The following TTC28 variants were observed in gnomAD, a reference collection of about 807,000 sequenced individuals.
TTC28 encodes tetratricopeptide repeat domain 28.
TTC28 carries 61 observed loss-of-function variants against 198.0 expected under a neutral mutation model. That is an observed-to-expected ratio of 0.31 (90% CI 0.25 to 0.38). The LOEUF (loss-of-function observed/expected upper bound fraction) is 0.38. Among genes scored for constraint, TTC28 ranks in the 10% least tolerant of loss-of-function variants. TTC28 has a pLI of 1.00. For synonymous variants in TTC28, 1,171 were observed against 1,297.8 expected (o/e 0.90, Z 2.10); for missense variants, 2,678 against 3,164.0 (o/e 0.85, Z 3.69).
In TTC28 at chr22:28,205,189, G is replaced by T. The variant is rs117422185; in HGVS notation, c.934-41590C>A. ...ATGAATACAGTGAAGATAAAGAGAT[G>T]CTCTTTTGTTTTAACGCAACACACA... On this transcript the variant is annotated intron_variant, in intron 5 of 22. Transcript: ENST00000397906. Among the ~76,000 whole-genome samples, 106 of 152,154 alleles carry T rather than the reference G, an allele frequency of 7.0e-4. 3 individuals carry two copies. In the East Asian group the frequency reaches 0.015, roughly 21 times the overall value.
At chr22:28,118,568 G>C (rs1831747968) in intron 6 of TTC28, among the ~76,000 whole-genome samples, 1 of 151,986 alleles carries the variant, frequency 6.6e-6, no homozygotes, top group South Asian at 2.1e-4. Flanking sequence ...TTTCAGTACA[G>C]TACCCTCCTA....
At chr22:28,156,830 A>G (rs1019449476) in intron 6 of TTC28, among the ~76,000 whole-genome samples, 8 of 152,186 alleles carry the variant, frequency 5.3e-5, no homozygotes, top group African/African-American at 7.2e-5. Context: ...ATTTATAGCT[A>G]TAAGTGCCTA....
intron 5 of TTC28, among the ~76,000 whole-genome samples, chr22:28,243,313 T>C (rs973545830): frequency 6.7e-6 from 1 of 149,848 alleles, no homozygotes; most frequent in Non-Finnish European, 1.5e-5. Context: ...GCCATGATCA[T>C]GCCACTGCAC....
chr22:28,221,502 GT>G (rs1466809734), intron 5 of TTC28, among the ~76,000 whole-genome samples: 1 of 152,160 alleles, frequency 6.6e-6, no homozygotes, highest in Non-Finnish European at 1.5e-5. Context: ...GGCTTTGATA[GT>G]TTCTCATTGC....
At chr22:28,394,301 C>T (rs134540) in intron 2 of TTC28, among the ~76,000 whole-genome samples, 214 of 152,294 alleles carry the variant, frequency 1.4e-3, no homozygotes, top group African/African-American at 4.9e-3. Context: ...TATTAAATAT[C>T]TGTTTATCCA....
intron 6 of TTC28, among the ~76,000 whole-genome samples, chr22:28,139,930 G>A (rs769139381): frequency 1.8e-4 from 27 of 152,160 alleles, no homozygotes; most frequent in Non-Finnish European, 3.2e-4. Context: ...ACCAACTATA[G>A]TCACCCACAT....
intron 2 of TTC28, among the ~76,000 whole-genome samples, chr22:28,357,468 A>G (rs2046096253): frequency 6.6e-6 from 1 of 151,916 alleles, no homozygotes; most frequent in Admixed American, 6.6e-5. Context: ...GGCATGCTCC[A>G]TCAGGCCAAT....
At chr22:28,500,850 G>A (rs2048527877) in intron 2 of TTC28, among the ~76,000 whole-genome samples, 1 of 152,150 alleles carries the variant, frequency 6.6e-6, no homozygotes, top group Non-Finnish European at 1.5e-5. Context: ...GCAAGAGGAA[G>A]ATAAACTAGA....
rs1243280236 is a variant in TTC28 at position 27,996,305 on chromosome 22, C to T, written c.5120-46G>A. ...CACCTCAGCAGGGCAGCTGGAGACC[C>T]CCAGCCCCACCCCGGCTTCCAGGGC... On this transcript the variant is annotated intron_variant, in intron 16 of 22. Transcript: ENST00000397906. 3.3e-6 allele frequency: 5 copies of T among 1,535,574 alleles called. No individual in the cohort carries two copies. The Admixed American group carries it at 6.0e-5, about 18-fold the overall frequency.
At chr22:28,188,187 A>C (rs1289873875) in intron 5 of TTC28, among the ~76,000 whole-genome samples, 1 of 152,240 alleles carries the variant, frequency 6.6e-6, no homozygotes, top group Non-Finnish European at 1.5e-5. Context: ...TAGAAACCTC[A>C]GTAAAATAAT....
At chr22:28,116,950 G>A (rs1942649009) in intron 6 of TTC28, among the ~76,000 whole-genome samples, 1 of 152,148 alleles carries the variant, frequency 6.6e-6, no homozygotes, top group African/African-American at 2.4e-5. Context: ...TATTCACTTG[G>A]CTTGGATTAC....
intron 2 of TTC28, among the ~76,000 whole-genome samples, chr22:28,547,901 T>C (rs1171852061): frequency 6.6e-6 from 1 of 151,646 alleles, no homozygotes; most frequent in Non-Finnish European, 1.5e-5. Flanking sequence ...TAAAGACATA[T>C]TTACTCATAG....
intron 12 of TTC28, among the ~76,000 whole-genome samples, chr22:28,088,465 GA>G (rs1941700118): frequency 4.6e-5 from 7 of 152,130 alleles, no homozygotes; most frequent in Admixed American, 4.6e-4. Context: ...GCCATATGTA[GA>G]AAGCTGAAAC....
At chr22:28,030,772 C>A (rs994061569) in intron 12 of TTC28, among the ~76,000 whole-genome samples, 1 of 152,246 alleles carries the variant, frequency 6.6e-6, no homozygotes. Flanking sequence ...GTCCTCCCTG[C>A]ACAAGCTGCA....
At chr22:28,478,260 C>A (rs1242819613) in intron 2 of TTC28, among the ~76,000 whole-genome samples, 1 of 152,140 alleles carries the variant, frequency 6.6e-6, no homozygotes, top group African/African-American at 2.4e-5. Flanking sequence ...GTAATCCCAG[C>A]ACTTTGGAAG....
chr22:28,484,648 C>T (rs935504890), intron 2 of TTC28, among the ~76,000 whole-genome samples: 1 of 152,130 alleles, frequency 6.6e-6, no homozygotes. Context: ...AAAGATCTCT[C>T]CCATGGACAC....
At chr22:28,296,624 T>C (rs2044901660) in intron 4 of TTC28, among the ~76,000 whole-genome samples, 1 of 152,226 alleles carries the variant, frequency 6.6e-6, no homozygotes, top group Admixed American at 6.5e-5. Context: ...AGCTGCTGTT[T>C]GAGTCCTCAT....
intron 5 of TTC28, among the ~76,000 whole-genome samples, chr22:28,174,542 T>A (rs1482528981): frequency 6.6e-6 from 1 of 152,126 alleles, no homozygotes; most frequent in Non-Finnish European, 1.5e-5. Context: ...TGCAAATATA[T>A]GCATAAGAAA....
intron 5 of TTC28, among the ~76,000 whole-genome samples, chr22:28,289,842 A>G (rs1238005190): frequency 6.6e-6 from 1 of 152,154 alleles, no homozygotes; most frequent in Non-Finnish European, 1.5e-5. Flanking sequence ...CCTGGCCAAC[A>G]TGGTGAAACC....
Sources: gnomAD v4.1 joint callset for allele counts (sites outside exome capture counted in the v4.1 genomes callset) on GRCh38, gnomAD v4.1.1 for gene constraint, MANE v1.5 for transcripts, NCBI Gene and HGNC (gene_info 2026-07-23, HGNC 2026-07-21) for gene names.